HMG20A: variants seen among roughly 807,000 people sequenced by gnomAD.
HMG20A encodes high mobility group 20A, also known as high mobility group protein 20A.
In HMG20A, 17 loss-of-function variants were observed where a neutral mutation model predicts 43.9. That is an observed-to-expected ratio of 0.39 (90% CI 0.27 to 0.58). The LOEUF (loss-of-function observed/expected upper bound fraction) is 0.58, where lower values mean the gene tolerates loss of function less well. Ranked by LOEUF, HMG20A falls within the 20% of genes least tolerant of loss-of-function variation. HMG20A has a pLI of 0.59. For synonymous variants in HMG20A, 132 were observed against 147.5 expected, an observed-to-expected ratio of 0.89 and a Z score of 0.76; for missense variants, 341 against 438.2, an observed-to-expected ratio of 0.78 and a Z score of 1.98.
intron 1 of HMG20A, among the ~76,000 whole-genome samples, chr15:77,446,051 A>G (rs1039416068): frequency 4.6e-5 from 7 of 152,156 alleles, no homozygotes; most frequent in Non-Finnish European, 1.0e-4. Context: ...TTTTAGAGCT[A>G]CCTACCTTAG....
At chr15:77,428,309 G>A (rs971489752) in intron 1 of HMG20A, among the ~76,000 whole-genome samples, 5 of 152,138 alleles carry the variant, frequency 3.3e-5, no homozygotes, top group African/African-American at 1.2e-4. Context: ...ACGGCCTTTG[G>A]GTATACCCAG....
At chr15:77,425,014 T>C (rs2073411960) in intron 1 of HMG20A, among the ~76,000 whole-genome samples, 3 of 152,190 alleles carry the variant, frequency 2.0e-5, no homozygotes, top group Admixed American at 2.0e-4. Flanking sequence ...TCATGCTATT[T>C]TCTGCCTGAA....
In HMG20A at chr15:77,464,335, AGAGT is replaced by A; in HGVS notation, c.190_193del (p.Glu64LeufsTer50). Reference sequence around the variant, plus strand: ...GATCTCTCTCAAGGTCAGTTGCTTCAGAGTGAGTCTTCAAATGCAGCAGAAGGCA... The same window carrying A: ...GATCTCTCTCAAGGTCAGTTGCTTCAGAGTCTTCAAATGCAGCAGAAGGCA... On this transcript the variant is annotated frameshift_variant, in exon 3 of 10. Transcript: ENST00000336216. LOFTEE classifies it high-confidence loss of function. The A allele has an allele frequency of 6.2e-7, 1 of 1,613,950 alleles. No individual in the cohort carries two copies.
intron 1 of HMG20A, among the ~76,000 whole-genome samples, chr15:77,436,565 TCTC>T (rs1263832143): frequency 7.2e-5 from 11 of 151,952 alleles, no homozygotes; most frequent in Non-Finnish European, 1.5e-4. Context: ...TTCAAGCAAT[TCTC>T]CTGCCTCAGC....
chr15:77,462,772 C>CTTTTTTTT (rs71145836), intron 2 of HMG20A, among the ~76,000 whole-genome samples: 10 of 127,782 alleles, frequency 7.8e-5, no homozygotes, highest in Non-Finnish European at 1.2e-4. Flanking sequence ...TTTTCTTTTT[C>CTTTTTTTT]TTTTTTTTTT....
At chr15:77,478,619 G>A (rs1377413720) in intron 8 of HMG20A, 109 bp downstream of exon 8, 2 of 808,844 alleles carry the variant, frequency 2.5e-6, no homozygotes. Flanking sequence ...CTCCTCCAGA[G>A]GAAAATTAAT....
intron 1 of HMG20A, among the ~76,000 whole-genome samples, chr15:77,429,897 G>C (rs183236694): frequency 7.9e-5 from 12 of 152,228 alleles, no homozygotes; most frequent in African/African-American, 2.9e-4. Flanking sequence ...TATTTCTGAA[G>C]CATTTATATT....
intron 1 of HMG20A, among the ~76,000 whole-genome samples, chr15:77,431,310 C>T (rs1313268244): frequency 6.6e-6 from 1 of 152,158 alleles, no homozygotes. Flanking sequence ...CTCCTGTGTT[C>T]AAGCGATTCT....
the HMG20A span, among the ~76,000 whole-genome samples, chr15:77,510,089 A>G: frequency 6.6e-6 from 1 of 151,766 alleles, no homozygotes; most frequent in East Asian, 1.9e-4. Context: ...CTAGCCCCCC[A>G]CAGGGGCATC....
intron 1 of HMG20A, among the ~76,000 whole-genome samples, chr15:77,421,835 G>A (rs1179912098): frequency 3.9e-5 from 6 of 152,170 alleles, no homozygotes; most frequent in Non-Finnish European, 7.3e-5. Context: ...TAGCTTACAC[G>A]TAACATTTTT....
chr15:77,471,885 AT>A (rs34188762), intron 6 of HMG20A, 71 bp downstream of exon 6: 212,057 of 610,448 alleles, frequency 0.35, 8,334 homozygotes, highest in Middle Eastern at 0.39. Flanking sequence ...ATGCTATTGG[AT>A]TTTTTTTTTT....
At chr15:77,454,432 G>T (rs999077426) in intron 1 of HMG20A, among the ~76,000 whole-genome samples, 14 of 152,176 alleles carry the variant, frequency 9.2e-5, no homozygotes, top group African/African-American at 3.4e-4. Flanking sequence ...CGTGAGTTGG[G>T]GTTGAGGAAT....
At chr15:77,473,626 T>G (rs933252276) in intron 6 of HMG20A, among the ~76,000 whole-genome samples, 24 of 152,254 alleles carry the variant, frequency 1.6e-4, no homozygotes, top group African/African-American at 5.5e-4. Flanking sequence ...AGAAAAGATG[T>G]AGATTTAGTC....
chr15:77,472,400 G>A (rs975443760), intron 6 of HMG20A, among the ~76,000 whole-genome samples: 1 of 152,032 alleles, frequency 6.6e-6, no homozygotes, highest in Non-Finnish European at 1.5e-5. Flanking sequence ...TCAGCCTCCC[G>A]AGTAGCTGGG....
chr15:77,510,741 T>C, the HMG20A span, among the ~76,000 whole-genome samples: 6 of 152,198 alleles, frequency 3.9e-5, no homozygotes, highest in Non-Finnish European at 8.8e-5. Flanking sequence ...CTGAGCAGAC[T>C]GGCTCATTAT....
chr15:77,506,690 C>T, the HMG20A span, among the ~76,000 whole-genome samples: 4 of 152,248 alleles, frequency 2.6e-5, no homozygotes, highest in Admixed American at 1.3e-4. Context: ...GCGCCCAGCC[C>T]ACGTTCCGGT....
chr15:77,433,163 G>T (rs2073506116), intron 1 of HMG20A, among the ~76,000 whole-genome samples: 1 of 151,962 alleles, frequency 6.6e-6, no homozygotes, highest in South Asian at 2.1e-4. Context: ...AAGTCCAGGA[G>T]TTCAAGACCC....
chr15:77,484,978 AG>A lies in HMG20A; in HGVS notation c.*2017del, dbSNP rs1374889258. On this transcript the variant is annotated 3_prime_UTR_variant, in exon 10 of 10. Coordinates refer to ENST00000336216, the MANE Select transcript of HMG20A (RefSeq NM_001304504.2). Reference sequence around the variant, plus strand: ...CTAGCACTGCTTTTGTGACCAGAAAAGGCCATAACATGGTCCAGGATCATCA... The same window carrying A: ...CTAGCACTGCTTTTGTGACCAGAAAAGCCATAACATGGTCCAGGATCATCA... The A allele has an allele frequency of 1.6e-4, 25 of 152,260 alleles. No individual in the cohort carries two copies. Among genetic ancestry groups the A allele is most frequent in the Admixed American group, 1.6e-3 (24 of 15,282 alleles). The allele number at this position is 152,260 out of a possible 1,614,324, so 9.4% of individuals were successfully genotyped here.
the HMG20A span, among the ~76,000 whole-genome samples, chr15:77,504,606 A>G: frequency 6.6e-6 from 1 of 152,194 alleles, no homozygotes; most frequent in Non-Finnish European, 1.5e-5. Context: ...TTTGTACACT[A>G]TAGAGAGCTA....
Sources: allele counts gnomAD v4.1 joint callset (sites outside exome capture counted in the v4.1 genomes callset), GRCh38; gene constraint gnomAD v4.1.1; transcripts MANE v1.5; gene names NCBI Gene and HGNC (gene_info 2026-07-23, HGNC 2026-07-21).